Variants in COL28A1 observed in about 807,000 individuals in gnomAD.
COL28A1 encodes collagen type XXVIII alpha 1 chain.
In COL28A1, 161 loss-of-function variants were observed where a neutral mutation model predicts 150.2. The ratio of observed to expected loss-of-function variants is 1.07; its 90% CI spans 0.94 to 1.22. The LOEUF (loss-of-function observed/expected upper bound fraction) is 1.22. COL28A1 is among the 50% of genes most tolerant of loss of function. The pLI is 0.00. For synonymous variants in COL28A1, 552 were observed against 469.7 expected (o/e 1.18, Z -2.26); for missense variants, 1,617 against 1,388.3 (o/e 1.16, Z -2.62).
chr7:7,355,976 C>T (rs559848804), downstream of COL28A1, among the ~76,000 whole-genome samples: 1 of 151,970 alleles, frequency 6.6e-6, no homozygotes, highest in African/African-American at 2.4e-5. Context: ...GGTATATTCA[C>T]ACAAATATAC....
At chr7:7,372,684 T>C (rs754213778) in intron 32 of COL28A1, among the ~76,000 whole-genome samples, 4 of 152,190 alleles carry the variant, frequency 2.6e-5, no homozygotes, top group Admixed American at 6.5e-5. Context: ...GGTAACTTTC[T>C]GAACATTAAC....
At chr7:7,411,570 ATC>A (rs1783794325) in intron 27 of COL28A1, among the ~76,000 whole-genome samples, 1 of 151,888 alleles carries the variant, frequency 6.6e-6, no homozygotes, top group Non-Finnish European at 1.5e-5. Flanking sequence ...TTTCCTGCTC[ATC>A]TCTCCCCAGC....
chr7:7,509,978 A>G (rs1781034382), intron 9 of COL28A1, among the ~76,000 whole-genome samples: 1 of 152,128 alleles, frequency 6.6e-6, no homozygotes, highest in African/African-American at 2.4e-5. Context: ...GAAAGTCTCA[A>G]TCTATTTAAA....
rs1164789157 is a variant in COL28A1, at chr7:7,373,717, G to A, written c.2360-171C>T. ...TCCATTCTGGTTTCTTTTTTTTTTTGTGAGACAGAGTCTCGCTGTCGCCCA... is the reference window on the plus strand; with the variant it reads ...TCCATTCTGGTTTCTTTTTTTTTTTATGAGACAGAGTCTCGCTGTCGCCCA... On this transcript the variant is annotated intron_variant, in intron 31 of 34. Coordinates refer to ENST00000399429, the MANE Select transcript of COL28A1 (RefSeq NM_001037763.3). The surrounding 1 kb of genome is among the most constrained non-coding windows in gnomAD (Gnocchi z 4.1). 9.7e-6 allele frequency among the ~76,000 whole-genome samples: 1 copy of A among 103,466 alleles called. No individual in the cohort carries two copies. Among genetic ancestry groups the A allele is most frequent in the Non-Finnish European group, 2.2e-5 (1 of 45,128 alleles). 67.9% of individuals were successfully genotyped at this position (103,466 alleles called of 152,430 possible).
chr7:7,532,983 G>T, intron 1 of COL28A1, 71 bp from the exon 2 acceptor site: 1 of 1,368,624 alleles, frequency 7.3e-7, no homozygotes, highest in Non-Finnish European at 9.5e-7. Context: ...TTTCAAGCCA[G>T]CAGGGTTGAA....
chr7:7,514,837 A>G (rs1287953701), intron 8 of COL28A1, among the ~76,000 whole-genome samples: 3 of 152,164 alleles, frequency 2.0e-5, no homozygotes, highest in African/African-American at 7.2e-5. Flanking sequence ...AAAGCCCGCT[A>G]CATGACCTCT....
intron 18 of COL28A1, among the ~76,000 whole-genome samples, chr7:7,445,454 T>C (rs1329013719): frequency 6.6e-6 from 1 of 152,202 alleles, no homozygotes; most frequent in Non-Finnish European, 1.5e-5. Flanking sequence ...CCTCTAGAAC[T>C]GAGAGACAAT....
chr7:7,501,534 A>G (rs1335737219), intron 11 of COL28A1, among the ~76,000 whole-genome samples: 1 of 152,208 alleles, frequency 6.6e-6, no homozygotes, highest in Non-Finnish European at 1.5e-5. Context: ...AAATAACCTC[A>G]GAAAGACATC....
At chr7:7,522,825 A>AAAAG (rs1489046093) in intron 4 of COL28A1, among the ~76,000 whole-genome samples, 1 of 89,294 alleles carries the variant, frequency 1.1e-5, no homozygotes, top group African/African-American at 3.3e-5. Context: ...AAAAAAAAAA[A>AAAAG]AAAAAAAAAA....
Position 7,511,097 on chromosome 7 carries a change from A to C in COL28A1, c.921T>G (p.Gly307=), listed in dbSNP as rs751463354. 1.9e-6 allele frequency: 3 copies of C among 1,613,278 alleles called. No homozygotes were observed. Among genetic ancestry groups the C allele is most frequent in the Non-Finnish European group, 2.5e-6 (3 of 1,179,352 alleles). ...TTAAAAACATGTTCCTTACCTTGTCACCTTTTATCCCTGGTTTACCACATT... is the reference window on the plus strand; with the variant it reads ...TTAAAAACATGTTCCTTACCTTGTCCCCTTTTATCCCTGGTTTACCACATT... ...RGECGKPGIK[G]DKGSPGPYGP... Residue 307 remains glycine (G), a synonymous_variant, in exon 9 of 35, where the codon GGT becomes GGG. Transcript: ENST00000399429.
At chr7:7,457,934 T>G (rs1243123770) in intron 15 of COL28A1, among the ~76,000 whole-genome samples, 1 of 152,172 alleles carries the variant, frequency 6.6e-6, no homozygotes, top group Non-Finnish European at 1.5e-5. Context: ...AGCAGATACT[T>G]TGGGCTTGAG....
At chr7:7,452,574 G>A (rs545166449) in intron 17 of COL28A1, among the ~76,000 whole-genome samples, 187 bp from the exon 18 acceptor site, 2 of 152,312 alleles carry the variant, frequency 1.3e-5, no homozygotes, top group East Asian at 1.9e-4. Context: ...AATGAAAAAT[G>A]TACATAATGT....
At chr7:7,361,951 G>A (rs949806380) in intron 33 of COL28A1, among the ~76,000 whole-genome samples, 2 of 152,118 alleles carry the variant, frequency 1.3e-5, no homozygotes, top group Non-Finnish European at 2.9e-5. Flanking sequence ...AACACCACAT[G>A]TTCTCATTCG....
At chr7:7,372,471 A>G (rs1781288893) in intron 32 of COL28A1, among the ~76,000 whole-genome samples, 1 of 152,096 alleles carries the variant, frequency 6.6e-6, no homozygotes, top group African/African-American at 2.4e-5. Context: ...AATTCCCGAT[A>G]TCAACCTGTT....
chr7:7,431,064 C>T (rs761253885), intron 25 of COL28A1, among the ~76,000 whole-genome samples: 14 of 152,118 alleles, frequency 9.2e-5, no homozygotes, highest in Non-Finnish European at 1.8e-4. Flanking sequence ...TTTATTCCAC[C>T]TGGGAGAGGG....
At chr7:7,404,667 A>G (rs1783399429) in intron 27 of COL28A1, among the ~76,000 whole-genome samples, 1 of 152,010 alleles carries the variant, frequency 6.6e-6, no homozygotes, top group South Asian at 2.1e-4. Flanking sequence ...CTAAAATTAC[A>G]TCACACACTT....
chr7:7,519,643 G>C (rs956836022), intron 6 of COL28A1, among the ~76,000 whole-genome samples: 4 of 152,110 alleles, frequency 2.6e-5, no homozygotes, highest in Non-Finnish European at 5.9e-5. Flanking sequence ...CTCTGGGAGT[G>C]AGAAACAATC....
At chr7:7,499,096 T>C (rs1583510866) in intron 11 of COL28A1, among the ~76,000 whole-genome samples, 1 of 152,076 alleles carries the variant, frequency 6.6e-6, no homozygotes, top group African/African-American at 2.4e-5. Flanking sequence ...TTTAGAGTCT[T>C]GGTGGGCAGA....
chr7:7,375,074 C>G (rs1294861260), intron 31 of COL28A1, among the ~76,000 whole-genome samples: 10 of 152,198 alleles, frequency 6.6e-5, no homozygotes, highest in Admixed American at 6.5e-4. Flanking sequence ...AAAACACAGA[C>G]ATTCTAATCA....
Sources: allele counts gnomAD v4.1 joint callset (sites outside exome capture counted in the v4.1 genomes callset), GRCh38; gene constraint gnomAD v4.1.1; non-coding constraint Gnocchi (gnomAD v3.1); transcripts MANE v1.5; gene names NCBI Gene and HGNC (gene_info 2026-07-23, HGNC 2026-07-21).